PPFIA2: variants seen among roughly 807,000 people sequenced by gnomAD.
PPFIA2 encodes liprin-alpha-2.
Under a neutral mutation model 175.5 loss-of-function variants are expected in PPFIA2, and 46 were observed. The observed-to-expected ratio is 0.26, with a 90% CI of 0.21 to 0.34. PPFIA2 has a LOEUF of 0.34. Ranked by LOEUF, PPFIA2 falls within the 10% of genes least tolerant of loss-of-function variation. The pLI, the probability that PPFIA2 is intolerant of heterozygous loss-of-function variation, is 1.00. For missense variants in PPFIA2, 1,179 were observed against 1,506.1 expected, an observed-to-expected ratio of 0.78 and a Z score of 3.60; for synonymous variants, 568 against 511.4, an observed-to-expected ratio of 1.11 and a Z score of -1.49.
intron 30 of PPFIA2, 62 bp from the exon 31 acceptor site, chr12:81,263,452 C>A (rs2036266530): frequency 1.1e-5 from 16 of 1,441,846 alleles, no homozygotes; most frequent in Non-Finnish European, 1.5e-5. Flanking sequence ...GTGCTTAAAG[C>A]TCTGTGCTTA....
At chr12:81,690,510 A>G (rs548832159) in intron 3 of PPFIA2, among the ~76,000 whole-genome samples, 2 of 152,042 alleles carry the variant, frequency 1.3e-5, no homozygotes, top group Admixed American at 1.3e-4. Flanking sequence ...TCCTCCCCCA[A>G]CACACAGAGG....
intron 4 of PPFIA2, among the ~76,000 whole-genome samples, chr12:81,564,608 A>G (rs982518022): frequency 2.6e-5 from 4 of 152,322 alleles, no homozygotes; most frequent in South Asian, 2.1e-4. Flanking sequence ...TGAACTGTTT[A>G]GAGAGTTATG....
intron 4 of PPFIA2, among the ~76,000 whole-genome samples, chr12:81,473,666 T>G (rs17008599): frequency 0.015 from 2,272 of 152,300 alleles, 48 homozygotes; most frequent in East Asian, 0.044. Context: ...AGATGAATTT[T>G]ATTGGCCATG....
intron 22 of PPFIA2, among the ~76,000 whole-genome samples, chr12:81,309,044 T>G (rs559462652): frequency 6.6e-6 from 1 of 152,308 alleles, no homozygotes; most frequent in Non-Finnish European, 1.5e-5. Flanking sequence ...CAATGCAATA[T>G]ACTTAATTTT....
intron 4 of PPFIA2, among the ~76,000 whole-genome samples, chr12:81,654,147 A>T (rs916833992): frequency 1.3e-5 from 2 of 152,048 alleles, no homozygotes; most frequent in Admixed American, 6.6e-5. Flanking sequence ...GAAGAAAAAA[A>T]TTTAAAAAAT....
chr12:81,436,174 G>A (rs1036049705), intron 7 of PPFIA2, among the ~76,000 whole-genome samples: 2 of 150,562 alleles, frequency 1.3e-5, no homozygotes, highest in African/African-American at 2.4e-5. Context: ...CCAGCTACTC[G>A]TAAGGCTGAG....
chr12:81,326,292 C>T (rs2054741000), intron 21 of PPFIA2, among the ~76,000 whole-genome samples: 1 of 151,952 alleles, frequency 6.6e-6, no homozygotes, highest in Non-Finnish European at 1.5e-5. Flanking sequence ...TAAATGATAG[C>T]CAATTGGGTA....
At chr12:81,660,706 G>A (rs1455373564) in intron 4 of PPFIA2, among the ~76,000 whole-genome samples, 2 of 152,098 alleles carry the variant, frequency 1.3e-5, no homozygotes, top group Non-Finnish European at 2.9e-5. Flanking sequence ...ACGCCACAAA[G>A]ATACTCCTCG....
At chr12:81,679,921 T>C (rs898630263) in intron 3 of PPFIA2, among the ~76,000 whole-genome samples, 1 of 152,008 alleles carries the variant, frequency 6.6e-6, no homozygotes, top group South Asian at 2.1e-4. Context: ...GGACATATGA[T>C]TACTACATAG....
intron 4 of PPFIA2, among the ~76,000 whole-genome samples, chr12:81,629,040 T>TCTTC (rs1272164343): frequency 6.6e-6 from 1 of 152,116 alleles, no homozygotes; most frequent in Non-Finnish European, 1.5e-5. Context: ...CCTTTCTACC[T>TCTTC]CTTCCAGAAG....
chr12:81,347,658 A>T lies in PPFIA2; in HGVS notation c.2107T>A (p.Ser703Thr), dbSNP rs1462015240. ...LNLARVHPGTSITASVTASSL... is the reference protein window; with the variant it reads ...LNLARVHPGTTITASVTASSL... ...GAAGCTGTAACAGAGGCAGTAATGG[A>T]GGTACCTGGGTGGACCCTTGCCAAA... Residue 703 changes from serine to threonine, a missense_variant, in exon 18 of 33, where the codon TCC becomes ACC. This residue lies in a region of PPFIA2 where 223 missense variants were observed against 241.6 expected (regional missense o/e 0.92). Transcript: ENST00000549396. 1 of 1,613,698 alleles carries T rather than the reference A, an allele frequency of 6.2e-7. No individual in the cohort carries two copies. Among genetic ancestry groups the T allele is most frequent in the Non-Finnish European group, 8.5e-7 (1 of 1,179,810 alleles).
intron 4 of PPFIA2, among the ~76,000 whole-genome samples, chr12:81,470,853 C>G (rs1392563488): frequency 6.6e-6 from 1 of 152,140 alleles, no homozygotes; most frequent in Non-Finnish European, 1.5e-5. Flanking sequence ...ATGTCTGGAA[C>G]AAACTCATCT....
chr12:81,622,601 T>A (rs1345214939), intron 4 of PPFIA2, among the ~76,000 whole-genome samples: 1 of 152,148 alleles, frequency 6.6e-6, no homozygotes, highest in African/African-American at 2.4e-5. Context: ...GACATATCCC[T>A]AGAGCCTGGG....
intron 3 of PPFIA2, among the ~76,000 whole-genome samples, chr12:81,703,991 A>C (rs937370669): frequency 4.6e-5 from 7 of 152,166 alleles, no homozygotes; most frequent in African/African-American, 1.7e-4. Flanking sequence ...AATTAAGATA[A>C]AATTATTTTA....
intron 4 of PPFIA2, among the ~76,000 whole-genome samples, chr12:81,663,498 TTC>T (rs2069393124): frequency 6.6e-6 from 1 of 152,176 alleles, no homozygotes; most frequent in Admixed American, 6.5e-5. Context: ...GAAGGACCTC[TTC>T]AAGGAGAACT....
chr12:81,455,116 A>G (rs1329947445), intron 5 of PPFIA2, among the ~76,000 whole-genome samples: 2 of 152,242 alleles, frequency 1.3e-5, no homozygotes, highest in Non-Finnish European at 2.9e-5. Context: ...TGACCAGCAC[A>G]CAGATATTTA....
At chr12:81,731,197 T>G (rs2080854402) in intron 3 of PPFIA2, among the ~76,000 whole-genome samples, 4 of 151,642 alleles carry the variant, frequency 2.6e-5, no homozygotes, top group Admixed American at 2.6e-4. Flanking sequence ...TCAAAATGCT[T>G]TGTTCTCTTT....
At chr12:81,471,223 A>C (rs1007498110) in intron 4 of PPFIA2, 1 of 151,766 alleles carries the variant, frequency 6.6e-6, no homozygotes, top group African/African-American at 2.4e-5. Context: ...AACTTACTGC[A>C]TCCTCTACCT....
intron 4 of PPFIA2, among the ~76,000 whole-genome samples, chr12:81,574,976 A>G (rs1431682121): frequency 6.6e-6 from 1 of 151,806 alleles, no homozygotes; most frequent in Non-Finnish European, 1.5e-5. Flanking sequence ...CTTGGTTCTG[A>G]AAACTGGCAG....
Sources: gnomAD v4.1 joint callset for allele counts (sites outside exome capture counted in the v4.1 genomes callset) on GRCh38, gnomAD v4.1.1 for gene constraint, gnomAD v4.1.1 regional missense constraint, MANE v1.5 for transcripts, NCBI Gene and HGNC (gene_info 2026-07-23, HGNC 2026-07-21) for gene names.